Variants in MINDY2 observed in about 807,000 individuals in gnomAD.
MINDY2 encodes MINDY lysine 48 deubiquitinase 2.
MINDY2 carries 52 observed loss-of-function variants against 68.2 expected under a neutral mutation model. That is an observed-to-expected ratio of 0.76 (90% CI 0.61 to 0.96). The LOEUF is 0.96. Among genes scored for constraint, MINDY2 ranks in the 40% least tolerant of loss-of-function variants. The pLI, the probability that MINDY2 is intolerant of heterozygous loss-of-function variation, is 0.00. For missense variants in MINDY2, 881 were observed against 773.4 expected (o/e 1.14, Z -1.65); for synonymous variants, 372 against 303.0 (o/e 1.23, Z -2.36).
chr15:58,792,279 A>T (rs1901993007), intron 2 of MINDY2, among the ~76,000 whole-genome samples: 1 of 152,250 alleles, frequency 6.6e-6, no homozygotes, highest in Non-Finnish European at 1.5e-5. Context: ...GTATTTACCC[A>T]AGAGAAGTGA....
chr15:58,818,805 A>AATTTTTTGT (rs57434621), intron 4 of MINDY2, among the ~76,000 whole-genome samples: 1 of 151,610 alleles, frequency 6.6e-6, no homozygotes, highest in Non-Finnish European at 1.5e-5. Flanking sequence ...ACGCCTGGCT[A>AATTTTTTGT]ATTTTTTGTA....
intron 7 of MINDY2, among the ~76,000 whole-genome samples, chr15:58,848,471 C>T (rs142359441): frequency 0.015 from 2,296 of 152,254 alleles, 27 homozygotes; most frequent in Middle Eastern, 0.034. Context: ...TCTCCGGGTG[C>T]GGTGGCTCAC....
At chr15:58,776,224 G>T (rs1385050143) in intron 1 of MINDY2, among the ~76,000 whole-genome samples, 5 of 152,146 alleles carry the variant, frequency 3.3e-5, no homozygotes, top group African/African-American at 1.2e-4. Context: ...AGAGTAGTGA[G>T]CAATAGTTCT....
chr15:58,799,124 G>A (rs1902469794), intron 2 of MINDY2, among the ~76,000 whole-genome samples: 1 of 152,138 alleles, frequency 6.6e-6, no homozygotes, highest in South Asian at 2.1e-4. Flanking sequence ...AATGATGTAG[G>A]CAAAGAAATT....
chr15:58,791,401 G>C (rs1190877440), intron 2 of MINDY2, among the ~76,000 whole-genome samples: 1 of 151,102 alleles, frequency 6.6e-6, no homozygotes, highest in East Asian at 1.9e-4. Flanking sequence ...CCTGTCTTGA[G>C]CCCAGGAGTT....
chr15:58,787,445 G>T (rs951083818), intron 1 of MINDY2, among the ~76,000 whole-genome samples: 2 of 152,022 alleles, frequency 1.3e-5, no homozygotes, highest in South Asian at 2.1e-4. Flanking sequence ...ATACAGTAAA[G>T]ACTGGTTATA....
rs562405664 is a variant in MINDY2, at chr15:58,827,719, C to T, written c.1226-4055C>T. Among the ~76,000 whole-genome samples the T allele has an allele frequency of 5.9e-5, 9 of 152,026 alleles. No homozygotes were observed. In the East Asian group the frequency reaches 7.8e-4, roughly 13 times the overall value. On this transcript the variant is annotated intron_variant, in intron 5 of 8. Transcript: ENST00000559228. Reference sequence around the variant, plus strand: ...CTCCCGCCTCGTCCTCCCAAAGTGCCGGGATTACAGGCATGAGCCACCGTG... The same window carrying T: ...CTCCCGCCTCGTCCTCCCAAAGTGCTGGGATTACAGGCATGAGCCACCGTG...
At chr15:58,811,138 G>A (rs890902664) in intron 4 of MINDY2, among the ~76,000 whole-genome samples, 1 of 152,210 alleles carries the variant, frequency 6.6e-6, no homozygotes, top group Non-Finnish European at 1.5e-5. Flanking sequence ...GCAATGCCAA[G>A]ATTTAGAAGT....
At chr15:58,793,523 T>C (rs1273774373) in intron 2 of MINDY2, among the ~76,000 whole-genome samples, 1 of 152,162 alleles carries the variant, frequency 6.6e-6, no homozygotes, top group African/African-American at 2.4e-5. Context: ...ATCCTGTGAA[T>C]ATACAACAAA....
chr15:58,844,446 G>A (rs1275193099), intron 6 of MINDY2, among the ~76,000 whole-genome samples: 1 of 151,974 alleles, frequency 6.6e-6, no homozygotes, highest in African/African-American at 2.4e-5. Context: ...CAGCTACTTG[G>A]GAGGCTGAGG....
chr15:58,848,928 G>T (rs928113102), intron 7 of MINDY2, among the ~76,000 whole-genome samples: 13 of 151,680 alleles, frequency 8.6e-5, no homozygotes, highest in African/African-American at 2.9e-4. Context: ...AAAAATACTG[G>T]GCCAGGCAAG....
chr15:58,791,192 A>AG (rs2140927051), intron 2 of MINDY2, among the ~76,000 whole-genome samples: 1 of 132,538 alleles, frequency 7.5e-6, no homozygotes, highest in Non-Finnish European at 1.7e-5. Flanking sequence ...AAAAAAAAAA[A>AG]GGGAGCCATC....
rs1156477710 is a variant in MINDY2, at chr15:58,856,357, G to A, written c.*1747G>A. 14 of 152,568 alleles carry A rather than the reference G, an allele frequency of 9.2e-5. No homozygotes were observed. Among genetic ancestry groups the A allele is most frequent in the African/African-American group, 2.9e-4 (12 of 41,420 alleles). 9.5% of individuals were successfully genotyped at this position (152,568 alleles called of 1,614,324 possible). A position where few individuals can be genotyped will look rare whatever the true frequency, so the allele number is the denominator to read the frequency against. ...TCATTAACTTTATGATCCAAGACCA[G>A]TTATAGGATGAATCTGTATGTAAAA... On this transcript the variant is annotated 3_prime_UTR_variant, in exon 9 of 9. Transcript: ENST00000559228.
At position 58,771,535 on chromosome 15, in the gene MINDY2, A is replaced by C; in HGVS notation, c.140A>C (p.Glu47Ala). Residue 47 changes from glutamate (E) to alanine (A), a missense_variant, in exon 1 of 9, where the codon GAG (glutamate) becomes GCG (alanine). Glu to Ala is a moderately radical substitution (Grantham distance 107). Coordinates refer to ENST00000559228, the MANE Select transcript of MINDY2 (RefSeq NM_001040450.3). ...AGDGPGVWAA[E>A]TSGGNGLGAA... ...GATGGTCCTGGGGTATGGGCGGCGGAGACCAGCGGCGGGAATGGGCTGGGG... is the reference window on the plus strand; with the variant it reads ...GATGGTCCTGGGGTATGGGCGGCGGCGACCAGCGGCGGGAATGGGCTGGGG... The C allele has an allele frequency of 6.2e-7, 1 of 1,611,552 alleles. No individual in the cohort carries two copies. The highest frequency in any genetic ancestry group is 8.5e-7 in the Non-Finnish European group (1 of 1,179,606).
intron 5 of MINDY2, among the ~76,000 whole-genome samples, chr15:58,831,041 G>GTGTATATATATATATATATA (rs565786025): frequency 2.4e-4 from 30 of 124,906 alleles, no homozygotes; most frequent in African/African-American, 8.9e-4. Context: ...GTGTGTGTGT[G>GTGTATATATATATATATATA]TATATATATA....
intron 4 of MINDY2, among the ~76,000 whole-genome samples, chr15:58,818,709 G>A (rs867123698): frequency 3.6e-5 from 5 of 137,066 alleles, no homozygotes; most frequent in African/African-American, 8.5e-5. Flanking sequence ...GTGTGATCTC[G>A]GCTCACTGCA....
At chr15:58,783,412 C>G (rs1163211128) in intron 1 of MINDY2, among the ~76,000 whole-genome samples, 1 of 152,108 alleles carries the variant, frequency 6.6e-6, no homozygotes, top group Non-Finnish European at 1.5e-5. Context: ...TTGTCATCAC[C>G]TACATAAACT....
At chr15:58,780,002 T>C (rs7164844) in intron 1 of MINDY2, among the ~76,000 whole-genome samples, 31,368 of 152,154 alleles carry the variant, frequency 0.21, 3,778 homozygotes, top group East Asian at 0.52. Flanking sequence ...GTTATTTTTG[T>C]GTCCAGATAC....
chr15:58,840,429 T>G (rs1440414648), intron 6 of MINDY2, among the ~76,000 whole-genome samples: 1 of 152,102 alleles, frequency 6.6e-6, no homozygotes, highest in Non-Finnish European at 1.5e-5. Flanking sequence ...TCTCTGTTAG[T>G]TATTACTTGT....
Sources: gnomAD v4.1 joint callset for allele counts (sites outside exome capture counted in the v4.1 genomes callset) on GRCh38, gnomAD v4.1.1 for gene constraint, MANE v1.5 for transcripts, NCBI Gene and HGNC (gene_info 2026-07-23, HGNC 2026-07-21) for gene names.